Variants in ARHGAP22 observed in about 807,000 individuals in gnomAD.
ARHGAP22 encodes Rho GTPase activating protein 22, also known as rho GTPase-activating protein 22.
In ARHGAP22, 48 loss-of-function variants were observed where a neutral mutation model predicts 59.1. The ratio of observed to expected loss-of-function variants is 0.81; its 90% CI spans 0.64 to 1.03. ARHGAP22 has a LOEUF of 1.03. Ranked by LOEUF, ARHGAP22 falls within the 50% of genes least tolerant of loss-of-function variation. The pLI is 0.00. For synonymous variants in ARHGAP22, 445 were observed against 416.4 expected, an observed-to-expected ratio of 1.07 and a Z score of -0.84; for missense variants, 1,015 against 958.7, an observed-to-expected ratio of 1.06 and a Z score of -0.78.
At position 48,453,303 on chromosome 10, in the gene ARHGAP22, C is replaced by A; in HGVS notation, c.988+1G>T. On this transcript the variant is annotated splice_donor_variant, in intron 8 of 9. Coordinates refer to ENST00000249601, the MANE Select transcript of ARHGAP22 (RefSeq NM_021226.4). LOFTEE classifies it high-confidence loss of function. ...GGCCACCAGGTACACCTCCCACTTA[C>A]CTTCCATGATGGTTACTGGGTCCTC... 6.2e-7 allele frequency: 1 copy of A among 1,613,606 alleles called. No individual in the cohort carries two copies. Among genetic ancestry groups the A allele is most frequent in the Non-Finnish European group, 8.5e-7 (1 of 1,179,802 alleles).
chr10:48,585,797 G>T (rs1294209501), intron 1 of ARHGAP22, among the ~76,000 whole-genome samples: 1 of 152,228 alleles, frequency 6.6e-6, no homozygotes, highest in Non-Finnish European at 1.5e-5. Flanking sequence ...GCTGTGTTTT[G>T]GCCCAGAGAG....
intron 1 of ARHGAP22, among the ~76,000 whole-genome samples, chr10:48,636,888 A>G (rs1337270385): frequency 6.6e-6 from 1 of 152,236 alleles, no homozygotes; most frequent in East Asian, 1.9e-4. Context: ...GAATCAGGAT[A>G]TGAAAGTAAA....
chr10:48,562,225 CAA>C (rs372671006), intron 2 of ARHGAP22, among the ~76,000 whole-genome samples: 2 of 138,528 alleles, frequency 1.4e-5, no homozygotes. Flanking sequence ...GACTCCATCT[CAA>C]AAAAAAAAAA....
At chr10:48,616,763 G>A (rs1031544709) in intron 1 of ARHGAP22, among the ~76,000 whole-genome samples, 1 of 152,010 alleles carries the variant, frequency 6.6e-6, no homozygotes, top group Non-Finnish European at 1.5e-5. Flanking sequence ...CAGCAATCAA[G>A]TCATTTCTAG....
At chr10:48,532,418 CA>C (rs1369371209) in intron 3 of ARHGAP22, 9 of 152,154 alleles carry the variant, frequency 5.9e-5, no homozygotes, top group African/African-American at 2.2e-4. Context: ...CCACATAACA[CA>C]GACCCACAGA....
intron 3 of ARHGAP22, among the ~76,000 whole-genome samples, chr10:48,524,399 G>GCCGGCGCCCTCC (rs1334546876): frequency 4.6e-5 from 7 of 151,912 alleles, no homozygotes; most frequent in African/African-American, 1.7e-4. Flanking sequence ...CCCTGCCCTC[G>GCCGGCGCCCTCC]CCGGCGCCCT....
intron 3 of ARHGAP22, among the ~76,000 whole-genome samples, chr10:48,518,445 C>T (rs2053501636): frequency 6.6e-6 from 1 of 152,150 alleles, no homozygotes; most frequent in Admixed American, 6.5e-5. Flanking sequence ...AGGAAAAATA[C>T]ATAATGGCAA....
In ARHGAP22 at chr10:48,499,779, C is replaced by T. The variant is rs141923335; in HGVS notation, c.323-20015G>A. Among the ~76,000 whole-genome samples, 304 of 151,950 alleles carry T rather than the reference C, an allele frequency of 2.0e-3. 2 individuals are homozygous for T. The highest frequency in any genetic ancestry group is 7.1e-3 in the African/African-American group (295 of 41,426). ...AAGAATCCAGTAAATCAACTGGGTG[C>T]GAAATTAATATATAAAAAGAACAAT... is the stretch of plus-strand genomic sequence containing the variant. On this transcript the variant is annotated intron_variant, in intron 3 of 9. Transcript: ENST00000249601.
At chr10:48,566,924 T>C (rs1822862) in intron 2 of ARHGAP22, among the ~76,000 whole-genome samples, 151,998 of 152,328 alleles carry the variant, frequency 1, 75,834 homozygotes, top group Non-Finnish European at 1. Flanking sequence ...CAGCTGGGAG[T>C]CATGAATGAG....
At chr10:48,458,193 T>C (rs975730543) in intron 5 of ARHGAP22, among the ~76,000 whole-genome samples, 3 of 151,958 alleles carry the variant, frequency 2.0e-5, no homozygotes, top group Non-Finnish European at 4.4e-5. Context: ...ACCATGGAGA[T>C]GGCCCTCCTG....
At chr10:48,502,346 C>T (rs1167329125) in intron 3 of ARHGAP22, among the ~76,000 whole-genome samples, 1 of 152,190 alleles carries the variant, frequency 6.6e-6, no homozygotes, top group East Asian at 1.9e-4. Context: ...AGTGTGGGAA[C>T]AGCTGGGGAA....
chr10:48,545,617 A>C (rs1157817423), intron 3 of ARHGAP22, among the ~76,000 whole-genome samples: 3 of 152,190 alleles, frequency 2.0e-5, no homozygotes, highest in Non-Finnish European at 4.4e-5. Context: ...GCGGCGGCTA[A>C]TGTGATCAGG....
At chr10:48,502,978 C>T (rs1171784715) in intron 3 of ARHGAP22, among the ~76,000 whole-genome samples, 1 of 152,212 alleles carries the variant, frequency 6.6e-6, no homozygotes, top group Non-Finnish European at 1.5e-5. Context: ...TTCAGAACAG[C>T]ATCCTCTCAG....
intron 4 of ARHGAP22, among the ~76,000 whole-genome samples, chr10:48,474,084 A>T (rs985779709): frequency 6.6e-6 from 1 of 152,244 alleles, no homozygotes; most frequent in Non-Finnish European, 1.5e-5. Flanking sequence ...ATTCCTGAAC[A>T]TGGGATGTCT....
chr10:48,441,076 C>G (rs2045188037), downstream of ARHGAP22, among the ~76,000 whole-genome samples: 1 of 152,176 alleles, frequency 6.6e-6, no homozygotes, highest in Non-Finnish European at 1.5e-5. Context: ...GGTATGGTAT[C>G]AACTCCAACT....
intron 1 of ARHGAP22, among the ~76,000 whole-genome samples, chr10:48,636,060 C>T (rs926335761): frequency 6.6e-6 from 1 of 152,200 alleles, no homozygotes; most frequent in African/African-American, 2.4e-5. Flanking sequence ...CTCTCTCTCT[C>T]TTTTCATTAA....
At chr10:48,625,693 T>TACAC (rs56897057) in intron 1 of ARHGAP22, among the ~76,000 whole-genome samples, 9,315 of 138,846 alleles carry the variant, frequency 0.067, 352 homozygotes, top group Non-Finnish European at 0.086. Context: ...CTGCAACGTG[T>TACAC]ACACACACAC....
At chr10:48,542,887 T>G (rs995444798) in intron 3 of ARHGAP22, among the ~76,000 whole-genome samples, 2 of 152,124 alleles carry the variant, frequency 1.3e-5, no homozygotes, top group African/African-American at 4.8e-5. Context: ...CTTGCCCAGG[T>G]TGGTGTCTGT....
chr10:48,459,922 C>T (rs1222868387), intron 4 of ARHGAP22, 31 bp from the exon 5 acceptor site: 10 of 1,599,472 alleles, frequency 6.3e-6, no homozygotes, highest in Non-Finnish European at 8.5e-6. Context: ...GTCACACCCT[C>T]CACCACCCAG....
Sources: gnomAD v4.1 joint callset for allele counts (sites outside exome capture counted in the v4.1 genomes callset) on GRCh38, gnomAD v4.1.1 for gene constraint, MANE v1.5 for transcripts, NCBI Gene and HGNC (gene_info 2026-07-23, HGNC 2026-07-21) for gene names.